Variants in CHRM3 observed in about 807,000 individuals in gnomAD.
CHRM3 encodes muscarinic acetylcholine receptor M3.
CHRM3 carries 11 observed loss-of-function variants against 41.8 expected under a neutral mutation model. That is an observed-to-expected ratio of 0.26 (90% CI 0.17 to 0.44). The LOEUF is 0.44. Ranked by LOEUF, CHRM3 falls within the 20% of genes least tolerant of loss-of-function variation. The probability of loss-of-function intolerance (pLI) is 1.00; values close to 1 mark genes in which losing one functional copy is unlikely to be tolerated. For synonymous variants in CHRM3, 297 were observed against 301.4 expected (o/e 0.99, Z 0.15); for missense variants, 571 against 745.4 (o/e 0.77, Z 2.72).
At chr1:239,689,069 G>T (rs1407547975) in intron 5 of CHRM3, among the ~76,000 whole-genome samples, 2 of 151,216 alleles carry the variant, frequency 1.3e-5, no homozygotes, top group African/African-American at 4.9e-5. Flanking sequence ...GCTATTCAAA[G>T]ATTCAAAAAT....
intron 2 of CHRM3, among the ~76,000 whole-genome samples, chr1:239,529,774 G>A (rs777210220): frequency 1.3e-4 from 20 of 152,024 alleles, no homozygotes; most frequent in Non-Finnish European, 2.5e-4. Context: ...ATCTTCAGAC[G>A]TTACTCTATG....
rs547135216 is a variant in CHRM3, at chr1:239,576,959, CTACT to C, written c.-313+31216_-313+31219del. Among the ~76,000 whole-genome samples, 9 of 152,242 alleles carry C rather than the reference CTACT, an allele frequency of 5.9e-5. No individual in the cohort carries two copies. The South Asian group carries it at 1.9e-3, about 32-fold the overall frequency. Reference sequence around the variant, plus strand: ...TAACAATTTCAGCTTTAAAGCTAGCCTACTTACTTCTCCATATAAAAATATTTTC... The same window carrying C: ...TAACAATTTCAGCTTTAAAGCTAGCCTACTTCTCCATATAAAAATATTTTC... On this transcript the variant is annotated intron_variant, in intron 3 of 6. Transcript: ENST00000676153.
At chr1:239,472,352 G>A (rs189162063) in intron 1 of CHRM3, among the ~76,000 whole-genome samples, 2 of 152,056 alleles carry the variant, frequency 1.3e-5, no homozygotes, top group African/African-American at 4.8e-5. Context: ...TTGTACATTC[G>A]GTGATTCCTC....
chr1:239,733,231 C>A (rs955034812), intron 5 of CHRM3, among the ~76,000 whole-genome samples: 7 of 152,024 alleles, frequency 4.6e-5, no homozygotes, highest in Non-Finnish European at 8.8e-5. Flanking sequence ...AATGGATCCA[C>A]CAACTACCTC....
At chr1:239,671,097 C>T (rs1424108335) in intron 4 of CHRM3, among the ~76,000 whole-genome samples, 1 of 152,132 alleles carries the variant, frequency 6.6e-6, no homozygotes, top group Non-Finnish European at 1.5e-5. Context: ...GCCATTCTTA[C>T]GGTATGGGAT....
At chr1:239,820,035 G>C (rs1671907636) in intron 5 of CHRM3, among the ~76,000 whole-genome samples, 1 of 152,178 alleles carries the variant, frequency 6.6e-6, no homozygotes, top group Admixed American at 6.5e-5. Flanking sequence ...ATGTCGGTGA[G>C]AGCTCCAGGG....
intron 5 of CHRM3, among the ~76,000 whole-genome samples, chr1:239,691,200 C>A (rs1659683295): frequency 6.6e-6 from 1 of 152,012 alleles, no homozygotes; most frequent in Non-Finnish European, 1.5e-5. Context: ...GCTTCAAGGG[C>A]AAATTTAAGA....
intron 5 of CHRM3, among the ~76,000 whole-genome samples, chr1:239,750,448 G>A (rs556722775): frequency 5.3e-5 from 8 of 152,162 alleles, no homozygotes; most frequent in Non-Finnish European, 1.2e-4. Context: ...CATCATTCAA[G>A]CAACTCTCCG....
chr1:239,779,392 A>G (rs1179361203), intron 5 of CHRM3, among the ~76,000 whole-genome samples: 1 of 152,218 alleles, frequency 6.6e-6, no homozygotes, highest in African/African-American at 2.4e-5. Flanking sequence ...AGACAAGTAT[A>G]TTCACAATTA....
chr1:239,612,966 T>C (rs1287318864), intron 3 of CHRM3, among the ~76,000 whole-genome samples: 1 of 152,212 alleles, frequency 6.6e-6, no homozygotes, highest in Non-Finnish European at 1.5e-5. Flanking sequence ...TATGGAGTTA[T>C]TCTAAGAATT....
intron 1 of CHRM3, among the ~76,000 whole-genome samples, chr1:239,485,585 T>C (rs189032071): frequency 6.6e-5 from 10 of 152,316 alleles, no homozygotes; most frequent in African/African-American, 1.4e-4. Context: ...TGGCTCCCTA[T>C]TATTTTAAGA....
chr1:239,616,018 G>A (rs1490888901), intron 3 of CHRM3, among the ~76,000 whole-genome samples: 8 of 152,104 alleles, frequency 5.3e-5, no homozygotes, highest in Non-Finnish European at 8.8e-5. Context: ...TTAAAAAATA[G>A]TGTTATTTAA....
At chr1:239,880,152 G>C (rs550983590) in intron 6 of CHRM3, among the ~76,000 whole-genome samples, 13 of 152,348 alleles carry the variant, frequency 8.5e-5, no homozygotes, top group Admixed American at 2.6e-4. Flanking sequence ...CATAGAGAAG[G>C]GGGTAAGGAA....
intron 6 of CHRM3, among the ~76,000 whole-genome samples, chr1:239,860,785 A>G (rs1675570555): frequency 6.6e-6 from 1 of 152,224 alleles, no homozygotes; most frequent in African/African-American, 2.4e-5. Flanking sequence ...ACCTGTAGCA[A>G]GTGATAGGGT....
intron 6 of CHRM3, among the ~76,000 whole-genome samples, chr1:239,900,945 A>G (rs776411329): frequency 1.4e-4 from 22 of 152,296 alleles, no homozygotes; most frequent in Middle Eastern, 3.4e-3. Flanking sequence ...AATCACCACA[A>G]ACTTAGCAGC....
intron 1 of CHRM3, among the ~76,000 whole-genome samples, chr1:239,390,165 A>G (rs543136114): frequency 7.2e-5 from 11 of 152,352 alleles, no homozygotes; most frequent in Non-Finnish European, 1.3e-4. Context: ...GCTTAATAAA[A>G]TTGTAATCAA....
chr1:239,619,399 G>A (rs1206197719), intron 3 of CHRM3, among the ~76,000 whole-genome samples: 1 of 152,082 alleles, frequency 6.6e-6, no homozygotes, highest in African/African-American at 2.4e-5. Context: ...CAGTAAAAAC[G>A]AAACCGATTC....
intron 5 of CHRM3, among the ~76,000 whole-genome samples, chr1:239,749,375 C>T (rs979689281): frequency 3.9e-5 from 6 of 152,046 alleles, no homozygotes; most frequent in Non-Finnish European, 7.4e-5. Flanking sequence ...TTGCAAGAAG[C>T]TTGGAGGGTA....
chr1:239,691,264 A>G (rs916344969), intron 5 of CHRM3, among the ~76,000 whole-genome samples: 1 of 152,126 alleles, frequency 6.6e-6, no homozygotes, highest in African/African-American at 2.4e-5. Flanking sequence ...CTTCAGACAT[A>G]TAAAAAGAGA....
Sources: gnomAD v4.1 joint callset for allele counts (sites outside exome capture counted in the v4.1 genomes callset) on GRCh38, gnomAD v4.1.1 for gene constraint, MANE v1.5 for transcripts, NCBI Gene and HGNC (gene_info 2026-07-23, HGNC 2026-07-21) for gene names.